The following DNAJB14 variants were observed in gnomAD, a reference collection of about 807,000 sequenced individuals.
The protein encoded by DNAJB14 is dnaJ homolog subfamily B member 14.
Under a neutral mutation model 48.4 loss-of-function variants are expected in DNAJB14, and 22 were observed. The observed-to-expected ratio is 0.45, with a 90% CI of 0.32 to 0.65. The LOEUF (loss-of-function observed/expected upper bound fraction) is 0.65. Among genes scored for constraint, DNAJB14 ranks in the 30% least tolerant of loss-of-function variants. The pLI, the probability that DNAJB14 is intolerant of heterozygous loss-of-function variation, is 0.03. For synonymous variants in DNAJB14, 142 were observed against 158.7 expected (o/e 0.89, Z 0.79); for missense variants, 319 against 458.8 (o/e 0.70, Z 2.78).
At chr4:99,901,183 G>T in intron 7 of DNAJB14, 31 bp from the exon 8 acceptor site, 2 of 1,557,634 alleles carry the variant, frequency 1.3e-6, no homozygotes, top group South Asian at 1.2e-5. Context: ...TTTGCTAATT[G>T]AATAAAATTT....
In DNAJB14 at chr4:99,937,190, G is replaced by A. The variant is rs1311195471; in HGVS notation, c.134-6569C>T. On this transcript the variant is annotated intron_variant, in intron 1 of 7. Transcript: ENST00000442697. ...AAATTAGCCAGGTGTGGTGGCAGGC[G>A]CTTATAGTCCCAGCTACTCGGGAGG... 3.3e-5 allele frequency among the ~76,000 whole-genome samples: 5 copies of A among 151,956 alleles called. No individual in the cohort carries two copies. In the East Asian group the frequency reaches 9.7e-4, roughly 29 times the overall value.
rs1395522062 is a variant in DNAJB14 at position 99,930,432 on chromosome 4, A to C, written c.305+18T>G. 1 of 1,569,970 alleles carries C rather than the reference A, an allele frequency of 6.4e-7. No individual in the cohort carries two copies. Among genetic ancestry groups the C allele is most frequent in the South Asian group, 1.2e-5 (1 of 83,234 alleles). On this transcript the variant is annotated intron_variant, in intron 2 of 7. Coordinates refer to ENST00000442697, the MANE Select transcript of DNAJB14 (RefSeq NM_001031723.4). ...TAATACCAATTATGATTGAGATGTA[A>C]ACCATATTTATTCCTACCTGAGAAC...
chr4:99,906,054 G>A (rs1191829411), intron 5 of DNAJB14: 2 of 1,313,624 alleles, frequency 1.5e-6, no homozygotes, highest in Non-Finnish European at 2.0e-6. Context: ...TTTGAGGGTA[G>A]AAGATGGGAG....
At chr4:99,930,344 G>T in intron 2 of DNAJB14, 106 bp downstream of exon 2, 1 of 1,167,678 alleles carries the variant, frequency 8.6e-7, no homozygotes. Context: ...TCAATTCCTT[G>T]ATGTCTATTC....
intron 3 of DNAJB14, among the ~76,000 whole-genome samples, chr4:99,913,381 C>A (rs910558653): frequency 5.9e-5 from 9 of 152,098 alleles, no homozygotes; most frequent in Non-Finnish European, 1.0e-4. Context: ...CAGTTTTTAT[C>A]ATGAATGGGT....
chr4:99,917,073 T>C (rs28497573), intron 3 of DNAJB14, among the ~76,000 whole-genome samples: 1 of 152,166 alleles, frequency 6.6e-6, no homozygotes, highest in South Asian at 2.1e-4. Flanking sequence ...AGGCGGAGGT[T>C]GCAGTGAGCA....
At chr4:99,912,771 G>A (rs1725712006) in intron 3 of DNAJB14, among the ~76,000 whole-genome samples, 1 of 152,154 alleles carries the variant, frequency 6.6e-6, no homozygotes, top group South Asian at 2.1e-4. Flanking sequence ...GAGTCACCGT[G>A]CCCAGCCGAC....
chr4:99,934,353 G>A (rs142392376), intron 1 of DNAJB14, among the ~76,000 whole-genome samples: 3 of 152,188 alleles, frequency 2.0e-5, no homozygotes, highest in African/African-American at 4.8e-5. Context: ...AAAAGGATGA[G>A]TATGAATTAA....
intron 1 of DNAJB14, among the ~76,000 whole-genome samples, chr4:99,945,012 A>T (rs1254520109): frequency 6.6e-6 from 1 of 152,262 alleles, no homozygotes; most frequent in East Asian, 1.9e-4. Context: ...TAAAGTAGTT[A>T]AATTCACAGA....
chr4:99,923,634 A>C, intron 2 of DNAJB14: 1 of 984,926 alleles, frequency 1.0e-6, no homozygotes, highest in South Asian at 4.7e-5. Flanking sequence ...TGTAGATCTA[A>C]CCAACTATCA....
At chr4:99,920,064 G>A (rs1310279097) in intron 3 of DNAJB14, among the ~76,000 whole-genome samples, 2 of 152,096 alleles carry the variant, frequency 1.3e-5, no homozygotes, top group East Asian at 3.8e-4. Flanking sequence ...GGGTAAATCT[G>A]AGTCTCAATT....
chr4:99,946,396 G>T, intron 1 of DNAJB14, 43 bp downstream of exon 1: 3 of 1,577,140 alleles, frequency 1.9e-6, no homozygotes, highest in Non-Finnish European at 2.6e-6. Context: ...CTACGCGGTG[G>T]TCTGGGGATT....
At chr4:99,918,363 TTTTAAG>T (rs1174888898) in intron 3 of DNAJB14, among the ~76,000 whole-genome samples, 2 of 152,238 alleles carry the variant, frequency 1.3e-5, no homozygotes, top group Non-Finnish European at 2.9e-5. Context: ...GCAGAGATTC[TTTTAAG>T]TTTATTTGTA....
intron 1 of DNAJB14, among the ~76,000 whole-genome samples, chr4:99,931,092 C>T (rs533368154): frequency 2.6e-5 from 4 of 151,894 alleles, no homozygotes; most frequent in African/African-American, 9.7e-5. Context: ...AGAAAGTGCA[C>T]AAGATAAAAA....
chr4:99,933,303 CTTTTTT>C (rs759298582), intron 1 of DNAJB14, among the ~76,000 whole-genome samples: 1 of 88,776 alleles, frequency 1.1e-5, no homozygotes, highest in African/African-American at 4.5e-5. Context: ...CATAAACAGT[CTTTTTT>C]TTTTTTTTTT....
chr4:99,923,538 GATAA>G (rs147217024), intron 2 of DNAJB14: 285 of 394,244 alleles, frequency 7.2e-4, no homozygotes, highest in South Asian at 3.6e-3. Flanking sequence ...CTTGTAAGTG[GATAA>G]ATAAATTCCA....
At position 99,946,598 on chromosome 4, in the gene DNAJB14, G is replaced by C. The variant is rs1337175856; in HGVS notation, c.-27C>G. On this transcript the variant is annotated 5_prime_UTR_variant, in exon 1 of 8. Coordinates refer to ENST00000442697, the MANE Select transcript of DNAJB14 (RefSeq NM_001031723.4). ...GCTTGCTCCTTCTTCCGTTTCCTCCGGCAGCGCAGCTAAGAAGGGCGGAAG... is the reference window on the plus strand; with the variant it reads ...GCTTGCTCCTTCTTCCGTTTCCTCCCGCAGCGCAGCTAAGAAGGGCGGAAG... 6.2e-7 allele frequency: 1 copy of C among 1,611,636 alleles called. No individual in the cohort carries two copies. The highest frequency in any genetic ancestry group is 8.5e-7 in the Non-Finnish European group (1 of 1,178,416).
At chr4:99,903,343 G>T (rs939020515) in intron 7 of DNAJB14, among the ~76,000 whole-genome samples, 8 of 151,724 alleles carry the variant, frequency 5.3e-5, no homozygotes, top group African/African-American at 1.4e-4. Flanking sequence ...TAAATTAATA[G>T]AGTTTCAAAC....
At chr4:99,940,033 C>A (rs528079043) in intron 1 of DNAJB14, among the ~76,000 whole-genome samples, 13 of 152,052 alleles carry the variant, frequency 8.5e-5, no homozygotes, top group Non-Finnish European at 1.5e-4. Context: ...TTAACATAAT[C>A]TGCATGTAAT....
Sources: allele counts gnomAD v4.1 joint callset (sites outside exome capture counted in the v4.1 genomes callset), GRCh38; gene constraint gnomAD v4.1.1; transcripts MANE v1.5; gene names NCBI Gene and HGNC (gene_info 2026-07-23, HGNC 2026-07-21).